FAM20C: variants seen among roughly 807,000 people sequenced by gnomAD.
FAM20C encodes extracellular serine/threonine protein kinase FAM20C.
A neutral mutation model predicts 51.5 loss-of-function variants in FAM20C; 40 were observed. That is an observed-to-expected ratio of 0.78 (90% CI 0.60 to 1.01). The LOEUF (loss-of-function observed/expected upper bound fraction) is 1.01. Among genes scored for constraint, FAM20C ranks in the 50% least tolerant of loss-of-function variants. The pLI, the probability that FAM20C is intolerant of heterozygous loss-of-function variation, is 0.00. For missense variants in FAM20C, 861 were observed against 844.7 expected (o/e 1.02, Z -0.24); for synonymous variants, 406 against 380.6 (o/e 1.07, Z -0.78).
intron 3 of FAM20C, among the ~76,000 whole-genome samples, chr7:218,894 G>T (rs1005350311): frequency 6.8e-6 from 1 of 148,106 alleles, no homozygotes; most frequent in Non-Finnish European, 1.5e-5. Context: ...GAGCTGACAC[G>T]GGCCCAGGAC....
At chr7:219,415 C>G (rs1045991112) in intron 3 of FAM20C, among the ~76,000 whole-genome samples, 123 of 140,038 alleles carry the variant, frequency 8.8e-4, no homozygotes, top group East Asian at 7.2e-3. Context: ...GACAGCAACG[C>G]CCAGCCCAGG....
At chr7:256,976 G>A in intron 7 of FAM20C, 29 bp from the exon 8 acceptor site, 1 of 1,536,544 alleles carries the variant, frequency 6.5e-7, no homozygotes, top group Non-Finnish European at 8.7e-7. Context: ...CTCCCCACGA[G>A]CTGTGACACT....
At chr7:227,701 G>T (rs531977983) in intron 3 of FAM20C, 1 of 152,292 alleles carries the variant, frequency 6.6e-6, no homozygotes, top group East Asian at 1.9e-4. Flanking sequence ...CCTGAGTCCT[G>T]TCCATGAATA....
intron 3 of FAM20C, among the ~76,000 whole-genome samples, chr7:222,884 C>T (rs56081876): frequency 0.87 from 132,688 of 151,928 alleles, 58,230 homozygotes; most frequent in South Asian, 0.92. Flanking sequence ...GCGTGTGTGA[C>T]GTGTACATGT....
intron 9 of FAM20C, 144 bp from the exon 10 acceptor site, chr7:259,587 T>TC: frequency 9.3e-7 from 1 of 1,079,714 alleles, no homozygotes; most frequent in Non-Finnish European, 1.2e-6. Flanking sequence ...TATGTCTCTG[T>TC]CTTTTTCTCT....
At chr7:208,185 CGGGGGGTGTCTGTG>C (rs1213506219) in intron 2 of FAM20C, among the ~76,000 whole-genome samples, 3 of 142,098 alleles carry the variant, frequency 2.1e-5, no homozygotes, top group Non-Finnish European at 4.8e-5. Flanking sequence ...AGGGGTGTGT[CGGGGGGTGTCTGTG>C]GGTGTGTAAA....
intron 3 of FAM20C, among the ~76,000 whole-genome samples, chr7:243,769 G>A (rs1788029759): frequency 6.6e-6 from 1 of 151,920 alleles, no homozygotes; most frequent in African/African-American, 2.4e-5. Flanking sequence ...TGCCACCCAG[G>A]AGACCTGGGC....
intron 3 of FAM20C, among the ~76,000 whole-genome samples, chr7:223,226 C>T (rs1013551100): frequency 1.3e-5 from 2 of 152,092 alleles, no homozygotes; most frequent in African/African-American, 4.8e-5. Flanking sequence ...GAAGTGTGGG[C>T]GTGTACAGCT....
At chr7:201,314 C>G (rs1036532625) in intron 2 of FAM20C, among the ~76,000 whole-genome samples, 1 of 152,228 alleles carries the variant, frequency 6.6e-6, no homozygotes, top group African/African-American at 2.4e-5. Flanking sequence ...CCCACGCTGA[C>G]GGCAGCATCT....
At chr7:214,251 G>T (rs975437847) in intron 3 of FAM20C, among the ~76,000 whole-genome samples, 1 of 152,078 alleles carries the variant, frequency 6.6e-6, no homozygotes, top group African/African-American at 2.4e-5. Context: ...CTTGAACCCG[G>T]GAGGCGGAGG....
intron 3 of FAM20C, chr7:229,321 G>A (rs1047491545): frequency 1.6e-5 from 3 of 185,614 alleles, no homozygotes; most frequent in South Asian, 2.3e-4. Context: ...TCCGCACATC[G>A]CCGCCCTCCG....
chr7:246,242 T>A (rs1562392312), intron 3 of FAM20C, 173 bp from the exon 4 acceptor site: 1 of 620,026 alleles, frequency 1.6e-6, no homozygotes, highest in Non-Finnish European at 2.9e-6. Context: ...TGCGCTGCTC[T>A]GAGGGCCCGT....
intron 2 of FAM20C, among the ~76,000 whole-genome samples, chr7:208,005 C>A (rs553045402): frequency 6.6e-6 from 1 of 152,348 alleles, no homozygotes; most frequent in Non-Finnish European, 1.5e-5. Flanking sequence ...CCTTGCGGAG[C>A]GGCGGGAGCT....
At chr7:217,422 A>G (rs1787048186) in intron 3 of FAM20C, among the ~76,000 whole-genome samples, 1 of 152,204 alleles carries the variant, frequency 6.6e-6, no homozygotes, top group African/African-American at 2.4e-5. Context: ...TTTAGGGTAG[A>G]GCTGCATTTG....
At chr7:234,644 T>C (rs1303834516) in intron 3 of FAM20C, among the ~76,000 whole-genome samples, 1 of 152,188 alleles carries the variant, frequency 6.6e-6, no homozygotes, top group African/African-American at 2.4e-5. Flanking sequence ...GCCCTGTGTC[T>C]GCCCTCAGCA....
chr7:236,804 T>TTATGGTCGGGGA (rs1317506609), intron 3 of FAM20C, among the ~76,000 whole-genome samples: 1 of 104,660 alleles, frequency 9.6e-6, no homozygotes, highest in African/African-American at 5.0e-5. Context: ...GGGGTCCCGG[T>TTATGGTCGGGGA]GGCTGTCGGG....
intron 3 of FAM20C, among the ~76,000 whole-genome samples, chr7:213,775 C>G (rs1178572525): frequency 1.3e-5 from 2 of 152,112 alleles, no homozygotes; most frequent in African/African-American, 4.8e-5. Context: ...TTGTGTAACC[C>G]TGCGAGCTCG....
At chr7:200,332 C>G (rs573207248) in intron 2 of FAM20C, among the ~76,000 whole-genome samples, 5 of 152,278 alleles carry the variant, frequency 3.3e-5, no homozygotes, top group African/African-American at 1.2e-4. Context: ...CGCCCATGGC[C>G]CCAGGGCTGG....
chr7:235,371 G>A (rs977697172), intron 3 of FAM20C, among the ~76,000 whole-genome samples: 1 of 152,144 alleles, frequency 6.6e-6, no homozygotes, highest in East Asian at 1.9e-4. Flanking sequence ...AGTGGAGCCC[G>A]TGACATGAGT....
Sources: gnomAD v4.1 joint callset for allele counts (sites outside exome capture counted in the v4.1 genomes callset) on GRCh38, gnomAD v4.1.1 for gene constraint, MANE v1.5 for transcripts, NCBI Gene and HGNC (gene_info 2026-07-23, HGNC 2026-07-21) for gene names.